The following LARGE1 variants were observed in gnomAD, a reference collection of about 807,000 sequenced individuals.
LARGE1 encodes xylosyl- and glucuronyltransferase LARGE1.
A neutral mutation model predicts 87.6 loss-of-function variants in LARGE1; 43 were observed. The observed-to-expected ratio is 0.49, with a 90% CI of 0.38 to 0.63. The LOEUF is 0.63. Ranked by LOEUF, LARGE1 falls within the 30% of genes least tolerant of loss-of-function variation. LARGE1 has a pLI of 0.00. For missense variants in LARGE1, 802 were observed against 1,000.2 expected, an observed-to-expected ratio of 0.80 and a Z score of 2.67; for synonymous variants, 434 against 394.6, an observed-to-expected ratio of 1.10 and a Z score of -1.18.
intron 2 of LARGE1, among the ~76,000 whole-genome samples, chr22:33,747,357 C>T (rs2145594437): frequency 6.6e-6 from 1 of 152,184 alleles, no homozygotes. Context: ...TGCTTCTCCT[C>T]TCTTCTCTTT....
chr22:33,442,865 T>C (rs1174457362), intron 6 of LARGE1, among the ~76,000 whole-genome samples: 1 of 150,890 alleles, frequency 6.6e-6, no homozygotes. Flanking sequence ...CTATCTCCGC[T>C]CACTGCAAGC....
intron 6 of LARGE1, among the ~76,000 whole-genome samples, chr22:33,483,719 A>G (rs933958427): frequency 1.3e-5 from 2 of 152,178 alleles, no homozygotes; most frequent in African/African-American, 4.8e-5. Context: ...TTAAAGGACG[A>G]TTAAATTATC....
At chr22:33,741,573 T>C (rs922330008) in intron 2 of LARGE1, among the ~76,000 whole-genome samples, 1 of 152,228 alleles carries the variant, frequency 6.6e-6, no homozygotes, top group African/African-American at 2.4e-5. Flanking sequence ...AGCCAACAAC[T>C]GCACCCAACA....
intron 10 of LARGE1, among the ~76,000 whole-genome samples, chr22:33,331,183 A>G (rs922199116): frequency 6.6e-6 from 1 of 152,064 alleles, no homozygotes; most frequent in Non-Finnish European, 1.5e-5. Context: ...ATAAAACCCC[A>G]TGGCAATGGT....
chr22:33,381,681 G>T (rs377641459), intron 9 of LARGE1, among the ~76,000 whole-genome samples: 22 of 152,192 alleles, frequency 1.4e-4, no homozygotes, highest in Middle Eastern at 3.4e-3. Flanking sequence ...CAGATGGCAA[G>T]AATAATAACC....
At chr22:33,139,475 C>G in the LARGE1 span, among the ~76,000 whole-genome samples, 26 of 151,994 alleles carry the variant, frequency 1.7e-4, no homozygotes, top group Non-Finnish European at 3.1e-4. Flanking sequence ...TTTATTTTCC[C>G]TCATTCTTTT....
intron 2 of LARGE1, among the ~76,000 whole-genome samples, chr22:33,666,472 G>A (rs535770521): frequency 1.3e-5 from 2 of 152,196 alleles, no homozygotes; most frequent in Non-Finnish European, 2.9e-5. Flanking sequence ...AGTGCATGAG[G>A]CCATTATTTC....
At chr22:33,334,380 T>G (rs1601490121) in intron 10 of LARGE1, among the ~76,000 whole-genome samples, 1 of 129,452 alleles carries the variant, frequency 7.7e-6, no homozygotes, top group South Asian at 2.4e-4. Context: ...CACTGCACTC[T>G]AGCCTGGCGA....
intron 11 of LARGE1, among the ~76,000 whole-genome samples, chr22:33,263,942 A>G (rs1927786560): frequency 1.3e-5 from 2 of 152,210 alleles, no homozygotes; most frequent in African/African-American, 2.4e-5. Flanking sequence ...ACTTTGGGCA[A>G]ATTACTTAAC....
At chr22:33,808,129 G>C (rs1233514481) in intron 1 of LARGE1, among the ~76,000 whole-genome samples, 1 of 152,216 alleles carries the variant, frequency 6.6e-6, no homozygotes, top group Non-Finnish European at 1.5e-5. Flanking sequence ...AGCAACAAAT[G>C]AGAGTTCCTG....
chr22:33,658,616 T>C (rs765888264), intron 2 of LARGE1, among the ~76,000 whole-genome samples: 3 of 152,222 alleles, frequency 2.0e-5, no homozygotes, highest in Non-Finnish European at 4.4e-5. Flanking sequence ...AAGGACATTG[T>C]CTCATTCCTT....
At position 33,843,444 on chromosome 22, in the gene LARGE1, T is replaced by A. The variant is rs535341015; in HGVS notation, c.-83+76551A>T. On this transcript the variant is annotated intron_variant, in intron 1 of 14. Transcript: ENST00000397394. The stretch of plus-strand genomic sequence containing the variant: ...AGAGCAAGACTCCCTCTCAAAAAAA[T>A]AAATAAATAAATAAATAAATAAATA... Among the ~76,000 whole-genome samples the A allele has an allele frequency of 3.1e-4, 46 of 148,830 alleles. 1 individual carries two copies. The highest frequency in any genetic ancestry group is 6.9e-3 in the Middle Eastern group (2 of 290).
chr22:33,678,658 T>C (rs746466660), intron 2 of LARGE1, among the ~76,000 whole-genome samples: 9 of 152,226 alleles, frequency 5.9e-5, no homozygotes, highest in Non-Finnish European at 1.0e-4. Flanking sequence ...TTCTCCAAGC[T>C]GACCCAGATC....
chr22:33,626,347 G>A lies in LARGE1; in HGVS notation c.409-21C>T, dbSNP rs149859888. The stretch of plus-strand genomic sequence containing the variant: ...ATTGTCTGGGAAGAAAAGAAGACGG[G>A]GTGAGCAGTCAGACAGACGGAAGGA... On this transcript the variant is annotated intron_variant, in intron 3 of 14. Coordinates refer to ENST00000397394, the MANE Select transcript of LARGE1 (RefSeq NM_133642.5). The A allele has an allele frequency of 4.2e-5, 68 of 1,603,958 alleles. No homozygotes were observed. The African/African-American group carries it at 6.3e-4, about 15-fold the overall frequency.
In LARGE1 at chr22:33,821,765, G is replaced by T. The variant is rs144957893; in HGVS notation, c.-82-60207C>A. On this transcript the variant is annotated intron_variant, in intron 1 of 14. Transcript: ENST00000397394. Reference sequence around the variant, plus strand: ...TACATGTGTGTATATGCTATCAAAGGAGTTCAATTTTCAATACATTATTGG... The same window carrying T: ...TACATGTGTGTATATGCTATCAAAGTAGTTCAATTTTCAATACATTATTGG... 4.0e-4 allele frequency among the ~76,000 whole-genome samples: 61 copies of T among 152,054 alleles called. No homozygotes were observed. The East Asian group carries it at 9.7e-3, about 24-fold the overall frequency.
At chr22:33,244,613 C>G (rs530696758) in intron 11 of LARGE1, among the ~76,000 whole-genome samples, 148 of 152,246 alleles carry the variant, frequency 9.7e-4, no homozygotes, top group African/African-American at 3.3e-3. Context: ...CTTTTAGGGT[C>G]TTCAAAGAAA....
chr22:33,217,925 T>A (rs1925280757), intron 11 of LARGE1, among the ~76,000 whole-genome samples: 1 of 150,986 alleles, frequency 6.6e-6, no homozygotes, highest in Non-Finnish European at 1.5e-5. Context: ...GGCCTTATCA[T>A]AACTTTTTTT....
rs1555897223 is a variant in LARGE1 at position 33,330,010 on chromosome 22, C to CAACA, written c.1287+7635_1287+7636insTGTT. ...ATGTTTCATTAAAAAAACAGAACAACAAAAAAAAACCCAACAAAACCTAGA... is the reference window on the plus strand; with the variant it reads ...ATGTTTCATTAAAAAAACAGAACAACAACAAAAAAAAAACCCAACAAAACCTAGA... On this transcript the variant is annotated intron_variant, in intron 10 of 14. Coordinates refer to ENST00000397394, the MANE Select transcript of LARGE1 (RefSeq NM_133642.5). Among the ~76,000 whole-genome samples the CAACA allele has an allele frequency of 6.2e-3, 905 of 146,968 alleles. 2 individuals are homozygous for CAACA. Among genetic ancestry groups the CAACA allele is most frequent in the South Asian group, 0.014 (66 of 4,744 alleles).
intron 2 of LARGE1, among the ~76,000 whole-genome samples, chr22:33,686,998 C>CTACT (rs1240039993): frequency 2.0e-5 from 3 of 152,148 alleles, no homozygotes; most frequent in Non-Finnish European, 4.4e-5. Flanking sequence ...GGATGCTGAC[C>CTACT]TAACTCTCTG....
Sources: gnomAD v4.1 joint callset for allele counts (sites outside exome capture counted in the v4.1 genomes callset) on GRCh38, gnomAD v4.1.1 for gene constraint, MANE v1.5 for transcripts, NCBI Gene and HGNC (gene_info 2026-07-23, HGNC 2026-07-21) for gene names.